ELMO1: variants seen among roughly 807,000 people sequenced by gnomAD.
ELMO1 encodes engulfment and cell motility protein 1.
In ELMO1, 26 loss-of-function variants were observed where a neutral mutation model predicts 98.9. That is an observed-to-expected ratio of 0.26 (90% confidence interval 0.19 to 0.36). The LOEUF is 0.36. ELMO1 is among the 10% of genes least tolerant of loss of function. The pLI is 1.00. For synonymous variants in ELMO1, 346 were observed against 346.0 expected (o/e 1.00, Z 0.00); for missense variants, 627 against 935.2 (o/e 0.67, Z 4.30).
At chr7:37,420,969 G>T (rs1015826868) in intron 1 of ELMO1, among the ~76,000 whole-genome samples, 2 of 152,182 alleles carry the variant, frequency 1.3e-5, no homozygotes, top group Non-Finnish European at 2.9e-5. Flanking sequence ...ACTTGTATCT[G>T]ATGGCCTCAG....
intron 2 of ELMO1, among the ~76,000 whole-genome samples, chr7:37,341,046 C>A (rs1326652867): frequency 6.6e-6 from 1 of 152,232 alleles, no homozygotes; most frequent in Admixed American, 6.5e-5. Flanking sequence ...GAACTACACA[C>A]AGGGATACCC....
chr7:36,912,784 T>C (rs1784426087), intron 16 of ELMO1, among the ~76,000 whole-genome samples: 1 of 152,238 alleles, frequency 6.6e-6, no homozygotes, highest in Non-Finnish European at 1.5e-5. Context: ...TCCTTCTCTG[T>C]AAACTGAAGA....
chr7:37,024,700 A>G (rs1794468844), intron 15 of ELMO1, among the ~76,000 whole-genome samples: 1 of 152,234 alleles, frequency 6.6e-6, no homozygotes. Context: ...GAATTGACTG[A>G]AGATATAGTG....
intron 13 of ELMO1, among the ~76,000 whole-genome samples, chr7:37,178,447 A>G (rs2129943651): frequency 6.6e-6 from 1 of 151,810 alleles, no homozygotes; most frequent in East Asian, 1.9e-4. Context: ...AAAAAAAAAA[A>G]AAGAAAAAAT....
At chr7:37,079,988 C>G (rs1390617208) in intron 15 of ELMO1, among the ~76,000 whole-genome samples, 1 of 152,178 alleles carries the variant, frequency 6.6e-6, no homozygotes, top group African/African-American at 2.4e-5. Flanking sequence ...AATTAGATGT[C>G]TAAACAGCAT....
chr7:36,987,359 A>C (rs1370665266), intron 16 of ELMO1, among the ~76,000 whole-genome samples: 3 of 152,206 alleles, frequency 2.0e-5, no homozygotes, highest in Admixed American at 6.5e-5. Context: ...GAGGGGGCTC[A>C]TAAGGTGGCA....
At chr7:37,106,699 A>G (rs899435988) in intron 14 of ELMO1, among the ~76,000 whole-genome samples, 1 of 151,272 alleles carries the variant, frequency 6.6e-6, no homozygotes, top group Admixed American at 6.6e-5. Context: ...AGAGGGGAAC[A>G]AAGTGTGGCA....
intron 21 of ELMO1, among the ~76,000 whole-genome samples, chr7:36,857,222 A>G (rs1802266244): frequency 1.3e-5 from 2 of 152,222 alleles, no homozygotes; most frequent in South Asian, 2.1e-4. Flanking sequence ...GTGTTAAGGG[A>G]TTTCCGGAAG....
intron 7 of ELMO1, among the ~76,000 whole-genome samples, chr7:37,240,771 C>G (rs896620793): frequency 6.6e-6 from 1 of 152,048 alleles, no homozygotes; most frequent in Middle Eastern, 3.4e-3. Context: ...TCCAAACATC[C>G]GAGGCTATTC....
chr7:37,019,354 G>T (rs1403056743), intron 15 of ELMO1, among the ~76,000 whole-genome samples: 1 of 152,236 alleles, frequency 6.6e-6, no homozygotes, highest in African/African-American at 2.4e-5. Context: ...TTCTTGACAG[G>T]TAACAAAAGA....
intron 13 of ELMO1, among the ~76,000 whole-genome samples, chr7:37,170,184 C>T (rs1221019576): frequency 1.3e-5 from 2 of 152,182 alleles, no homozygotes; most frequent in Admixed American, 6.5e-5. Context: ...GGATTACAGG[C>T]GTGAGCCACC....
At position 37,067,008 on chromosome 7, in the gene ELMO1, T is replaced by TAA. The variant is rs565496309; in HGVS notation, c.1300+29609_1300+29610dup. Among the ~76,000 whole-genome samples the TAA allele has an allele frequency of 5.4e-3, 817 of 152,214 alleles. 2 individuals carry two copies. The highest frequency in any genetic ancestry group is 8.7e-3 in the Non-Finnish European group (593 of 68,002). On this transcript the variant is annotated intron_variant, in intron 15 of 21. Coordinates refer to ENST00000310758, the MANE Select transcript of ELMO1 (RefSeq NM_014800.11). ...AATACCCATCAAAAGGACTTAGGAG[T>TAA]AAATTCTCTATCTGGGAAACTTTTG...
At chr7:37,374,789 G>A (rs781176575) in intron 1 of ELMO1, among the ~76,000 whole-genome samples, 11 of 151,926 alleles carry the variant, frequency 7.2e-5, no homozygotes, top group African/African-American at 1.7e-4. Context: ...TTGGCTGGGC[G>A]CAGTGGCTCA....
intron 16 of ELMO1, among the ~76,000 whole-genome samples, chr7:36,902,548 T>C (rs985357113): frequency 2.0e-5 from 3 of 152,210 alleles, no homozygotes; most frequent in African/African-American, 4.8e-5. Context: ...TTAAGTGCCA[T>C]GAGAAAAATA....
At chr7:37,070,825 C>A (rs1797229283) in intron 15 of ELMO1, among the ~76,000 whole-genome samples, 1 of 152,176 alleles carries the variant, frequency 6.6e-6, no homozygotes, top group Non-Finnish European at 1.5e-5. Context: ...GATGTATTTT[C>A]TCTTCTGGGA....
intron 15 of ELMO1, among the ~76,000 whole-genome samples, chr7:37,024,168 C>CGTCT (rs547391872): frequency 7.8e-4 from 119 of 152,128 alleles, no homozygotes; most frequent in Non-Finnish European, 7.5e-4. Flanking sequence ...ACTAGCAAGA[C>CGTCT]GGTCACGAGC....
intron 2 of ELMO1, among the ~76,000 whole-genome samples, chr7:37,326,014 T>G (rs775053254): frequency 6.6e-6 from 1 of 152,192 alleles, no homozygotes; most frequent in Non-Finnish European, 1.5e-5. Flanking sequence ...TATGGAGGAA[T>G]CAGATGTGTT....
intron 1 of ELMO1, among the ~76,000 whole-genome samples, chr7:37,372,131 T>TAA (rs200229069): frequency 2.7e-5 from 4 of 146,738 alleles, no homozygotes. Context: ...CAGTTTCAGT[T>TAA]AAAAAAAAAA....
chr7:37,437,457 G>A (rs980736500), intron 1 of ELMO1, among the ~76,000 whole-genome samples: 16 of 152,068 alleles, frequency 1.1e-4, no homozygotes, highest in Non-Finnish European at 1.6e-4. Context: ...ACTCATCCCC[G>A]TCTGTATTTT....
Sources: allele counts gnomAD v4.1 joint callset (sites outside exome capture counted in the v4.1 genomes callset), GRCh38; gene constraint gnomAD v4.1.1; transcripts MANE v1.5; gene names NCBI Gene and HGNC (gene_info 2026-07-23, HGNC 2026-07-21).